Variants in SYNDIG1 observed in about 807,000 individuals in gnomAD.
The protein encoded by SYNDIG1 is synapse differentiation inducing 1, also known as synapse differentiation-inducing gene protein 1.
A neutral mutation model predicts 19.4 loss-of-function variants in SYNDIG1; 9 were observed. The ratio of observed to expected loss-of-function variants is 0.46; its 90% CI spans 0.28 to 0.81. The LOEUF is 0.81. Ranked by LOEUF, SYNDIG1 falls within the 30% of genes least tolerant of loss-of-function variation. The pLI is 0.12. For synonymous variants in SYNDIG1, 141 were observed against 145.9 expected (o/e 0.97, Z 0.24); for missense variants, 311 against 343.3 (o/e 0.91, Z 0.74).
chr20:24,591,642 A>G (rs1170658686), intron 3 of SYNDIG1, among the ~76,000 whole-genome samples: 3 of 152,142 alleles, frequency 2.0e-5, no homozygotes, highest in Non-Finnish European at 4.4e-5. Context: ...GGGAAGGAGA[A>G]TGGGGGGACA....
chr20:24,637,143 G>A (rs1433579591), intron 3 of SYNDIG1, among the ~76,000 whole-genome samples: 1 of 152,218 alleles, frequency 6.6e-6, no homozygotes, highest in Non-Finnish European at 1.5e-5. Context: ...GCTGAGGAGG[G>A]TACATTGGCT....
intron 3 of SYNDIG1, among the ~76,000 whole-genome samples, chr20:24,630,246 A>C (rs1465372595): frequency 6.6e-6 from 1 of 152,168 alleles, no homozygotes; most frequent in African/African-American, 2.4e-5. Context: ...GCACACACTC[A>C]CAGGAGTGGT....
intron 3 of SYNDIG1, among the ~76,000 whole-genome samples, chr20:24,615,719 C>T (rs1038402747): frequency 6.6e-5 from 10 of 152,234 alleles, no homozygotes; most frequent in Admixed American, 1.3e-4. Context: ...AAGGTCTGCA[C>T]GGTCTTTCAT....
intron 3 of SYNDIG1, among the ~76,000 whole-genome samples, chr20:24,620,403 G>T (rs2059020280): frequency 6.6e-6 from 1 of 152,148 alleles, no homozygotes; most frequent in South Asian, 2.1e-4. Flanking sequence ...CCCACATTTG[G>T]TCATCAGTGC....
At chr20:24,515,494 A>G (rs999042253) in intron 1 of SYNDIG1, among the ~76,000 whole-genome samples, 1 of 152,102 alleles carries the variant, frequency 6.6e-6, no homozygotes, top group Non-Finnish European at 1.5e-5. Context: ...GCAAAGTCTC[A>G]GGATACAAAA....
intron 3 of SYNDIG1, among the ~76,000 whole-genome samples, chr20:24,639,478 C>G (rs73347208): frequency 4.6e-5 from 7 of 152,160 alleles, no homozygotes; most frequent in Non-Finnish European, 1.0e-4. Context: ...TCGGCATCTC[C>G]GGGGATGGGA....
intron 3 of SYNDIG1, among the ~76,000 whole-genome samples, chr20:24,639,636 T>C (rs2059351419): frequency 6.6e-6 from 1 of 152,194 alleles, no homozygotes; most frequent in South Asian, 2.1e-4. Flanking sequence ...ATCAATGTGG[T>C]TTATTTGTTG....
At chr20:24,627,114 G>T (rs1448109218) in intron 3 of SYNDIG1, among the ~76,000 whole-genome samples, 2 of 151,260 alleles carry the variant, frequency 1.3e-5, no homozygotes, top group Admixed American at 6.6e-5. Context: ...CGTGGGGAGA[G>T]GGGGACCGTG....
chr20:24,661,532 A>AGAGGGAGAGAAGAG (rs1568723393), intron 3 of SYNDIG1, among the ~76,000 whole-genome samples: 24 of 3,696 alleles, frequency 6.5e-3, no homozygotes, highest in Non-Finnish European at 8.6e-3. Flanking sequence ...GGAGGAAAAA[A>AGAGGGAGAGAAGAG]GGAGGAAGGA....
intron 2 of SYNDIG1, among the ~76,000 whole-genome samples, chr20:24,557,940 G>T (rs535079040): frequency 6.6e-6 from 1 of 152,380 alleles, no homozygotes; most frequent in Admixed American, 6.5e-5. Context: ...CTCGCCGGAA[G>T]AGGGCTTTAA....
chr20:24,539,219 A>G (rs2146691835), intron 1 of SYNDIG1, among the ~76,000 whole-genome samples: 1 of 152,172 alleles, frequency 6.6e-6, no homozygotes, highest in Middle Eastern at 3.4e-3. Context: ...TAAGAGTTTT[A>G]TGGTTTTAGA....
At chr20:24,569,459 G>A (rs1032610064) in intron 2 of SYNDIG1, among the ~76,000 whole-genome samples, 3 of 152,184 alleles carry the variant, frequency 2.0e-5, no homozygotes, top group African/African-American at 7.2e-5. Flanking sequence ...CGTCAGGAGT[G>A]TTGAAGCCCC....
chr20:24,508,560 G>T (rs868051073), intron 1 of SYNDIG1, among the ~76,000 whole-genome samples: 1 of 152,026 alleles, frequency 6.6e-6, no homozygotes, highest in Non-Finnish European at 1.5e-5. Context: ...CAAAGCCCCA[G>T]TGAAGAAAAA....
intron 1 of SYNDIG1, among the ~76,000 whole-genome samples, chr20:24,518,172 C>T (rs1021511309): frequency 6.6e-6 from 1 of 152,078 alleles, no homozygotes; most frequent in South Asian, 2.1e-4. Flanking sequence ...AATTTAGCTG[C>T]TGCAGCAAGA....
intron 1 of SYNDIG1, among the ~76,000 whole-genome samples, chr20:24,526,068 A>G (rs2057117029): frequency 1.3e-5 from 2 of 152,098 alleles, no homozygotes; most frequent in Admixed American, 1.3e-4. Flanking sequence ...TTCCTTGTAT[A>G]TATGTTTTCC....
At chr20:24,606,498 T>C (rs955880972) in intron 3 of SYNDIG1, among the ~76,000 whole-genome samples, 1 of 152,268 alleles carries the variant, frequency 6.6e-6, no homozygotes, top group Non-Finnish European at 1.5e-5. Flanking sequence ...AATTGCACTT[T>C]AAGGTAAAAC....
At chr20:24,646,628 T>C (rs549233750) in intron 3 of SYNDIG1, among the ~76,000 whole-genome samples, 1 of 147,812 alleles carries the variant, frequency 6.8e-6, no homozygotes, top group Non-Finnish European at 1.5e-5. Flanking sequence ...TGCTCAGTAT[T>C]TTTTTTTTTT....
intron 1 of SYNDIG1, among the ~76,000 whole-genome samples, chr20:24,501,401 A>T (rs1278704816): frequency 6.6e-6 from 1 of 152,220 alleles, no homozygotes; most frequent in Non-Finnish European, 1.5e-5. Context: ...AGTGGATTCC[A>T]TGGATCGAAT....
intron 1 of SYNDIG1, among the ~76,000 whole-genome samples, chr20:24,538,565 C>T (rs1449042850): frequency 6.6e-6 from 1 of 152,174 alleles, no homozygotes; most frequent in East Asian, 1.9e-4. Context: ...ATGAACATGG[C>T]ATGCAAGTAT....
Sources: gnomAD v4.1 joint callset for allele counts (sites outside exome capture counted in the v4.1 genomes callset) on GRCh38, gnomAD v4.1.1 for gene constraint, MANE v1.5 for transcripts, NCBI Gene and HGNC (gene_info 2026-07-23, HGNC 2026-07-21) for gene names.